TAFA1: variants seen among roughly 807,000 people sequenced by gnomAD.
The protein encoded by TAFA1 is TAFA chemokine like family member 1, also known as chemokine-like protein TAFA-1.
Under a neutral mutation model 18.5 loss-of-function variants are expected in TAFA1, and 4 were observed. The observed-to-expected ratio is 0.22, with a 90% CI of 0.11 to 0.49. TAFA1 has a LOEUF of 0.49. Among genes scored for constraint, TAFA1 ranks in the 20% least tolerant of loss-of-function variants. The pLI, the probability that TAFA1 is intolerant of heterozygous loss-of-function variation, is 0.98. For synonymous variants in TAFA1, 56 were observed against 55.2 expected (o/e 1.01, Z -0.06); for missense variants, 147 against 169.0 (o/e 0.87, Z 0.72).
chr3:68,498,721 GCTTT>G lies in TAFA1; in HGVS notation c.260-40034_260-40031del, dbSNP rs2072597410. ...AAATTCCTCCCAAAGCCGTTTGGTG[GCTTT>G]TTTTTTTTTTTTTTTTTTTTTTTTT... On this transcript the variant is annotated intron_variant, in intron 3 of 4. Coordinates refer to ENST00000478136, the MANE Select transcript of TAFA1 (RefSeq NM_213609.4). Among the ~76,000 whole-genome samples, 49 of 101,684 alleles carry G rather than the reference GCTTT, an allele frequency of 4.8e-4. 4 individuals carry two copies. Among genetic ancestry groups the G allele is most frequent in the Non-Finnish European group, 6.1e-4 (34 of 55,934 alleles). 66.7% of individuals were successfully genotyped at this position (101,684 alleles called of 152,430 possible).
At chr3:68,469,202 T>C (rs2071948064) in intron 3 of TAFA1, among the ~76,000 whole-genome samples, 1 of 151,424 alleles carries the variant, frequency 6.6e-6, no homozygotes, top group African/African-American at 2.4e-5. Context: ...AATAAAAATA[T>C]TTAATAAAAT....
chr3:68,355,185 A>G (rs1479962192), intron 2 of TAFA1, among the ~76,000 whole-genome samples: 1 of 151,802 alleles, frequency 6.6e-6, no homozygotes, highest in Non-Finnish European at 1.5e-5. Flanking sequence ...CTCTTCTTCA[A>G]CCCTCTCTTA....
chr3:68,114,723 T>C (rs1424880633), intron 2 of TAFA1, among the ~76,000 whole-genome samples: 2 of 152,234 alleles, frequency 1.3e-5, no homozygotes, highest in Non-Finnish European at 2.9e-5. Flanking sequence ...TATCTAGCTA[T>C]GTGCATTTGT....
At chr3:68,301,550 G>C (rs1256073927) in intron 2 of TAFA1, among the ~76,000 whole-genome samples, 1 of 152,162 alleles carries the variant, frequency 6.6e-6, no homozygotes, top group African/African-American at 2.4e-5. Flanking sequence ...AAGTTTACCA[G>C]ATGGTGAGGA....
At position 68,338,975 on chromosome 3, in the gene TAFA1, T is replaced by C. The variant is rs1432302250; in HGVS notation, c.119-78305T>C. On this transcript the variant is annotated intron_variant, in intron 2 of 4. Coordinates refer to ENST00000478136, the MANE Select transcript of TAFA1 (RefSeq NM_213609.4). ...AGCATCTTCCTAGGGCATAGTCGTCTCATGGTCAATAACAAGAAGACAAGA... is the reference window on the plus strand; with the variant it reads ...AGCATCTTCCTAGGGCATAGTCGTCCCATGGTCAATAACAAGAAGACAAGA... 2.6e-5 allele frequency among the ~76,000 whole-genome samples: 4 copies of C among 152,322 alleles called. No homozygotes were observed. The East Asian group carries it at 7.7e-4, about 29-fold the overall frequency.
At chr3:68,423,096 G>A (rs971075424) in intron 3 of TAFA1, among the ~76,000 whole-genome samples, 7 of 151,894 alleles carry the variant, frequency 4.6e-5, no homozygotes, top group Non-Finnish European at 8.8e-5. Context: ...ATGAAGTTAC[G>A]TTCTATGATT....
chr3:68,083,601 G>T (rs2106781298), intron 2 of TAFA1, among the ~76,000 whole-genome samples: 1 of 152,284 alleles, frequency 6.6e-6, no homozygotes, highest in East Asian at 1.9e-4. Flanking sequence ...GACAACTTGT[G>T]AACAGGCATT....
chr3:68,189,806 G>A (rs1559552877), intron 2 of TAFA1, among the ~76,000 whole-genome samples: 2 of 151,940 alleles, frequency 1.3e-5, no homozygotes, highest in Admixed American at 6.6e-5. Flanking sequence ...AGAAGGGTCT[G>A]GCATTATGCC....
At chr3:68,402,376 G>C (rs1249307110) in intron 2 of TAFA1, among the ~76,000 whole-genome samples, 21 of 152,144 alleles carry the variant, frequency 1.4e-4, no homozygotes, top group Admixed American at 1.4e-3. Flanking sequence ...TTAGACTTCT[G>C]ATCACATCCG....
Position 68,243,695 on chromosome 3 carries a change from A to G in TAFA1, c.119-173585A>G, listed in dbSNP as rs180873910. Among the ~76,000 whole-genome samples the G allele has an allele frequency of 1.4e-3, 213 of 152,246 alleles. 1 individual carries two copies. The highest frequency in any genetic ancestry group is 4.9e-3 in the African/African-American group (202 of 41,542). The stretch of plus-strand genomic sequence containing the variant: ...TGGACCACAGTTTGATTAGCCATTC[A>G]CCCATTGAAGGACATTTGAGTAGTT... On this transcript the variant is annotated intron_variant, in intron 2 of 4. Transcript: ENST00000478136.
chr3:68,448,671 C>T (rs1575876617), intron 3 of TAFA1, among the ~76,000 whole-genome samples: 1 of 151,668 alleles, frequency 6.6e-6, no homozygotes, highest in South Asian at 2.1e-4. Flanking sequence ...CTTCAAAGTA[C>T]ATTGAGTACT....
intron 3 of TAFA1, among the ~76,000 whole-genome samples, chr3:68,523,717 G>A (rs991434811): frequency 1.3e-5 from 2 of 152,072 alleles, no homozygotes; most frequent in Non-Finnish European, 2.9e-5. Context: ...AGTGTATTAT[G>A]GAAAAGATTG....
At chr3:68,425,850 T>C (rs765496077) in intron 3 of TAFA1, among the ~76,000 whole-genome samples, 2 of 151,798 alleles carry the variant, frequency 1.3e-5, no homozygotes, top group Non-Finnish European at 2.9e-5. Flanking sequence ...CAGCAGAGTA[T>C]TGAAAAAATT....
chr3:68,338,404 A>G (rs2069013908), intron 2 of TAFA1, among the ~76,000 whole-genome samples: 1 of 152,202 alleles, frequency 6.6e-6, no homozygotes, highest in Non-Finnish European at 1.5e-5. Context: ...TTTGTCTTCT[A>G]GATTTCAGTT....
Position 68,133,341 on chromosome 3 carries a change from G to T in TAFA1, c.118+126597G>T, listed in dbSNP as rs139540666. On this transcript the variant is annotated intron_variant, in intron 2 of 4. Coordinates refer to ENST00000478136, the MANE Select transcript of TAFA1 (RefSeq NM_213609.4). ...GTTCTTTTTGCTTACAATTATCTTG[G>T]CTATATGGGCTCTTTTTTGGTTCCA... is the stretch of plus-strand genomic sequence containing the variant. 1.0e-3 allele frequency among the ~76,000 whole-genome samples: 154 copies of T among 152,224 alleles called. 3 individuals are homozygous for T. In the East Asian group the frequency reaches 0.028, roughly 27 times the overall value.
chr3:68,233,000 A>C lies in TAFA1; in HGVS notation c.119-184280A>C, dbSNP rs555677233. On this transcript the variant is annotated intron_variant, in intron 2 of 4. Transcript: ENST00000478136. ...AATATATGAGTTCCCTTTTCTCTGC[A>C]TCCTTGCCAGCATTTGTTAATTTTT... is the stretch of plus-strand genomic sequence containing the variant. 7.0e-4 allele frequency among the ~76,000 whole-genome samples: 107 copies of C among 152,146 alleles called. 1 individual carries two copies. The highest frequency in any genetic ancestry group is 1.2e-3 in the Non-Finnish European group (84 of 68,006).
intron 2 of TAFA1, among the ~76,000 whole-genome samples, chr3:68,146,643 T>A (rs1432681631): frequency 6.6e-6 from 1 of 152,232 alleles, no homozygotes; most frequent in Non-Finnish European, 1.5e-5. Context: ...TCCCCTTAAG[T>A]AATCTACAAA....
intron 2 of TAFA1, among the ~76,000 whole-genome samples, chr3:68,012,344 T>C (rs752507581): frequency 3.3e-5 from 5 of 152,132 alleles, no homozygotes; most frequent in Admixed American, 2.0e-4. Context: ...AGGAGTTTCA[T>C]CTCCGTCAAA....
chr3:68,082,265 A>T lies in TAFA1; in HGVS notation c.118+75521A>T, dbSNP rs577223394. Among the ~76,000 whole-genome samples the T allele has an allele frequency of 1.3e-4, 20 of 152,242 alleles. No individual in the cohort carries two copies. The East Asian group carries it at 3.9e-3, about 29-fold the overall frequency. On this transcript the variant is annotated intron_variant, in intron 2 of 4. Transcript: ENST00000478136. ...TACCTCAGATGGAAATGCAGAAATC[A>T]CCATCTTGTGCGTCGCTCACGCTGG... is the stretch of plus-strand genomic sequence containing the variant.
Sources: gnomAD v4.1 joint callset for allele counts (sites outside exome capture counted in the v4.1 genomes callset) on GRCh38, gnomAD v4.1.1 for gene constraint, MANE v1.5 for transcripts, NCBI Gene and HGNC (gene_info 2026-07-23, HGNC 2026-07-21) for gene names.